The following ANKS1B variants were observed in gnomAD, a reference collection of about 807,000 sequenced individuals.
The protein encoded by ANKS1B is ankyrin repeat and sterile alpha motif domain-containing protein 1B.
Under a neutral mutation model 148.3 loss-of-function variants are expected in ANKS1B, and 36 were observed. The observed-to-expected ratio is 0.24, with a 90% CI of 0.19 to 0.32. ANKS1B has a LOEUF of 0.32. ANKS1B is among the 10% of genes least tolerant of loss of function. ANKS1B has a pLI of 1.00. For missense variants in ANKS1B, 1,157 were observed against 1,542.6 expected, an observed-to-expected ratio of 0.75 and a Z score of 4.19; for synonymous variants, 542 against 560.8, an observed-to-expected ratio of 0.97 and a Z score of 0.47.
chr12:99,551,909 C>T (rs2097222214), intron 9 of ANKS1B, among the ~76,000 whole-genome samples: 1 of 152,192 alleles, frequency 6.6e-6, no homozygotes, highest in South Asian at 2.1e-4. Context: ...AATCTGACTC[C>T]TGCTTGCCTC....
At chr12:99,980,258 C>T (rs112684344) in intron 1 of ANKS1B, among the ~76,000 whole-genome samples, 111 of 151,734 alleles carry the variant, frequency 7.3e-4, no homozygotes, top group African/African-American at 2.6e-3. Flanking sequence ...GGTCTTAGAT[C>T]AATAATAAAG....
intron 10 of ANKS1B, among the ~76,000 whole-genome samples, chr12:99,486,618 T>C (rs1295954255): frequency 1.3e-5 from 2 of 152,026 alleles, no homozygotes; most frequent in African/African-American, 2.4e-5. Context: ...CAATGGTGGG[T>C]AGAGGTCCCA....
Position 99,098,759 on chromosome 12 carries a change from T to C in ANKS1B, c.2527-13736A>G, listed in dbSNP as rs149217117. On this transcript the variant is annotated intron_variant, in intron 15 of 26. Coordinates refer to ENST00000683438, the MANE Select transcript of ANKS1B (RefSeq NM_001352186.2). ...TGTGTGATGGCAGAAAAATTCAGGG[T>C]TCCCCCCCCCACCCCCAGCTCTGCC... is the stretch of plus-strand genomic sequence containing the variant. 2.6e-3 allele frequency among the ~76,000 whole-genome samples: 376 copies of C among 146,554 alleles called. 2 individuals are homozygous for C. The highest frequency in any genetic ancestry group is 3.1e-3 in the Admixed American group (46 of 14,604).
chr12:98,744,347 C>CAGTT lies in ANKS1B; in HGVS notation c.*1388_*1391dup. On this transcript the variant is annotated 3_prime_UTR_variant, in exon 27 of 27. Transcript: ENST00000683438. The stretch of plus-strand genomic sequence containing the variant: ...AACTGATGAATGTAACTGATCATCT[C>CAGTT]AGTTAGGTTTAAAATAATGTCAGTT... 1 of 909,726 alleles carries CAGTT rather than the reference C, an allele frequency of 1.1e-6. No homozygotes were observed. The highest frequency in any genetic ancestry group is 1.3e-6 in the Non-Finnish European group (1 of 760,756). 56.4% of individuals were successfully genotyped at this position (909,726 alleles called of 1,614,324 possible).
chr12:99,609,992 G>A (rs2097887052), intron 9 of ANKS1B, among the ~76,000 whole-genome samples: 1 of 152,070 alleles, frequency 6.6e-6, no homozygotes, highest in Non-Finnish European at 1.5e-5. Flanking sequence ...AGGCACTGGA[G>A]TGAGTCAGTT....
chr12:99,008,066 G>A (rs371646377), intron 17 of ANKS1B, among the ~76,000 whole-genome samples: 2 of 152,064 alleles, frequency 1.3e-5, no homozygotes, highest in East Asian at 1.9e-4. Flanking sequence ...GATATAGCAG[G>A]AAGAGTTTTG....
intron 17 of ANKS1B, among the ~76,000 whole-genome samples, chr12:98,980,062 T>G (rs1392053585): frequency 6.6e-6 from 1 of 152,248 alleles, no homozygotes; most frequent in Non-Finnish European, 1.5e-5. Flanking sequence ...CAGATATTCT[T>G]AATCCAAATA....
At chr12:99,106,244 C>A (rs969126384) in intron 15 of ANKS1B, among the ~76,000 whole-genome samples, 2 of 152,224 alleles carry the variant, frequency 1.3e-5, no homozygotes, top group Admixed American at 1.3e-4. Context: ...TTCGCAACCA[C>A]AGTCTACTTC....
At chr12:98,833,865 G>A (rs755820773) in intron 17 of ANKS1B, among the ~76,000 whole-genome samples, 12 of 152,114 alleles carry the variant, frequency 7.9e-5, no homozygotes, top group East Asian at 1.9e-4. Context: ...CTGTTTCTGC[G>A]TTAATTAACT....
chr12:99,347,606 T>C (rs1234148797), intron 12 of ANKS1B, among the ~76,000 whole-genome samples: 2 of 151,942 alleles, frequency 1.3e-5, no homozygotes, highest in Non-Finnish European at 2.9e-5. Flanking sequence ...AGCTGACCAT[T>C]GAGTTAGTAG....
intron 2 of ANKS1B, among the ~76,000 whole-genome samples, chr12:99,812,978 T>A (rs1328830166): frequency 6.6e-6 from 1 of 151,724 alleles, no homozygotes; most frequent in African/African-American, 2.4e-5. Context: ...AATAAAAAAA[T>A]TTTAATAACT....
intron 9 of ANKS1B, among the ~76,000 whole-genome samples, chr12:99,622,837 A>G (rs2098070422): frequency 6.6e-6 from 1 of 151,978 alleles, no homozygotes; most frequent in Admixed American, 6.6e-5. Context: ...GCCAGTACCA[A>G]TTCTACTGAA....
At chr12:99,949,958 T>C (rs2153822041) in intron 1 of ANKS1B, among the ~76,000 whole-genome samples, 1 of 149,458 alleles carries the variant, frequency 6.7e-6, no homozygotes, top group Non-Finnish European at 1.5e-5. Context: ...AAGCCACTCT[T>C]ATTTGTTTGT....
At chr12:99,556,026 A>G (rs1381061761) in intron 9 of ANKS1B, among the ~76,000 whole-genome samples, 1 of 152,166 alleles carries the variant, frequency 6.6e-6, no homozygotes, top group Admixed American at 6.5e-5. Context: ...TCTTCCTTAT[A>G]CAGCTGATAG....
rs189956664 is a variant in ANKS1B, at chr12:99,462,662, T to C, written c.1439-18853A>G. On this transcript the variant is annotated intron_variant, in intron 10 of 26. Transcript: ENST00000683438. Reference sequence around the variant, plus strand: ...GCTAGAAATTAATGTTATCAAATGATTTGATATTCTCTGATATGGTTTGTA... The same window carrying C: ...GCTAGAAATTAATGTTATCAAATGACTTGATATTCTCTGATATGGTTTGTA... Among the ~76,000 whole-genome samples the C allele has an allele frequency of 9.2e-4, 140 of 152,300 alleles. 1 individual carries two copies. Among genetic ancestry groups the C allele is most frequent in the Non-Finnish European group, 1.8e-3 (122 of 68,016 alleles).
In ANKS1B at chr12:99,071,881, G is replaced by A. The variant is rs948829169; in HGVS notation, c.2625+13044C>T. Among the ~76,000 whole-genome samples the A allele has an allele frequency of 3.9e-5, 6 of 152,008 alleles. 1 individual carries two copies. Among genetic ancestry groups the A allele is most frequent in the African/African-American group, 1.2e-4 (5 of 41,368 alleles). ...AGGGTGGTCTTGAACTCCTGACCTCGTGATCTGCCTGCCTCGGCCTCCCAA... is the reference window on the plus strand; with the variant it reads ...AGGGTGGTCTTGAACTCCTGACCTCATGATCTGCCTGCCTCGGCCTCCCAA... On this transcript the variant is annotated intron_variant, in intron 16 of 26. Coordinates refer to ENST00000683438, the MANE Select transcript of ANKS1B (RefSeq NM_001352186.2).
rs180869837 is a variant in ANKS1B at position 99,533,299 on chromosome 12, G to A, written c.1273-28658C>T. 5.3e-5 allele frequency among the ~76,000 whole-genome samples: 8 copies of A among 152,246 alleles called. No individual in the cohort carries two copies. In the East Asian group the frequency reaches 1.5e-3, roughly 29 times the overall value. On this transcript the variant is annotated intron_variant, in intron 9 of 26. Transcript: ENST00000683438. ...AATATTATATTATTTTGCAGCTATT[G>A]TAAATGGGATTGAGTTCTTCATTTC...
chr12:99,751,765 C>T (rs1601413561), intron 8 of ANKS1B, among the ~76,000 whole-genome samples: 1 of 152,066 alleles, frequency 6.6e-6, no homozygotes, highest in African/African-American at 2.4e-5. Flanking sequence ...TAACTACTTA[C>T]TACAATTACA....
chr12:99,420,996 T>A (rs1020316205), intron 11 of ANKS1B, among the ~76,000 whole-genome samples: 1 of 152,216 alleles, frequency 6.6e-6, no homozygotes, highest in Non-Finnish European at 1.5e-5. Flanking sequence ...CTAATGTCGG[T>A]ATTTACAGTT....
Sources: gnomAD v4.1 joint callset for allele counts (sites outside exome capture counted in the v4.1 genomes callset) on GRCh38, gnomAD v4.1.1 for gene constraint, MANE v1.5 for transcripts, NCBI Gene and HGNC (gene_info 2026-07-23, HGNC 2026-07-21) for gene names.